Variants in GAP43 observed in about 807,000 individuals in gnomAD.
The protein encoded by GAP43 is growth associated protein 43.
In GAP43, 6 loss-of-function variants were observed where a neutral mutation model predicts 18.6. The observed-to-expected ratio is 0.32, with a 90% CI of 0.18 to 0.64. GAP43 has a LOEUF of 0.64. Ranked by LOEUF, GAP43 falls within the 30% of genes least tolerant of loss-of-function variation. GAP43 has a pLI of 0.78. For missense variants in GAP43, 292 were observed against 295.5 expected, an observed-to-expected ratio of 0.99 and a Z score of 0.09; for synonymous variants, 115 against 111.4, an observed-to-expected ratio of 1.03 and a Z score of -0.20.
At chr3:115,663,866 G>C in intron 1 of GAP43, 1 of 1,552,148 alleles carries the variant, frequency 6.4e-7, no homozygotes. Flanking sequence ...TCAGAGAGCA[G>C]TTCGACCTAG....
intron 2 of GAP43, among the ~76,000 whole-genome samples, chr3:115,720,468 T>C (rs1184390309): frequency 2.0e-5 from 3 of 152,186 alleles, no homozygotes; most frequent in African/African-American, 7.2e-5. Context: ...TGTCGTTGAT[T>C]CCCTATGTGA....
chr3:115,676,689 A>T, intron 2 of GAP43, 79 bp downstream of exon 2: 1 of 1,363,476 alleles, frequency 7.3e-7, no homozygotes, highest in Non-Finnish European at 9.7e-7. Flanking sequence ...CACCTGGGTC[A>T]TTGAGGGAGA....
chr3:115,683,240 T>C (rs1332416391), intron 2 of GAP43, among the ~76,000 whole-genome samples: 1 of 151,586 alleles, frequency 6.6e-6, no homozygotes, highest in African/African-American at 2.4e-5. Context: ...GTGGGACATA[T>C]GGCTTCTTAG....
chr3:115,647,992 G>C (rs146201177), intron 1 of GAP43, among the ~76,000 whole-genome samples: 49 of 152,216 alleles, frequency 3.2e-4, no homozygotes, highest in African/African-American at 1.1e-3. Context: ...ATGAATTGCA[G>C]ACTTTTTGAA....
intron 2 of GAP43, among the ~76,000 whole-genome samples, chr3:115,680,537 T>C (rs1708948508): frequency 1.3e-5 from 2 of 152,174 alleles, no homozygotes; most frequent in African/African-American, 4.8e-5. Flanking sequence ...ATGGGGGTAG[T>C]ATGAAATTCA....
At chr3:115,697,653 A>G (rs928916730) in intron 2 of GAP43, among the ~76,000 whole-genome samples, 1 of 152,182 alleles carries the variant, frequency 6.6e-6, no homozygotes, top group African/African-American at 2.4e-5. Context: ...GCAGAGAACC[A>G]TTTTAGCAAA....
chr3:115,713,743 C>T (rs1431309585), intron 2 of GAP43, among the ~76,000 whole-genome samples: 1 of 152,228 alleles, frequency 6.6e-6, no homozygotes, highest in African/African-American at 2.4e-5. Context: ...ACTTAATCCC[C>T]TGAATCCTTT....
At chr3:115,627,126 T>C (rs1011230720) in intron 1 of GAP43, among the ~76,000 whole-genome samples, 1 of 96,154 alleles carries the variant, frequency 1.0e-5, no homozygotes, top group African/African-American at 4.0e-5. Context: ...TTCTTTCTTT[T>C]TTCTTTCTTT....
At chr3:115,674,091 G>C (rs938588265) in intron 1 of GAP43, among the ~76,000 whole-genome samples, 1 of 152,210 alleles carries the variant, frequency 6.6e-6, no homozygotes, top group African/African-American at 2.4e-5. Flanking sequence ...TTGACAGGTG[G>C]AAAACTTGTC....
At chr3:115,676,686 G>C in intron 2 of GAP43, 76 bp downstream of exon 2, 3 of 1,375,074 alleles carry the variant, frequency 2.2e-6, no homozygotes, top group Non-Finnish European at 2.9e-6. Context: ...GGCCACCTGG[G>C]TCATTGAGGG....
At chr3:115,652,781 G>A (rs547690851) in intron 1 of GAP43, among the ~76,000 whole-genome samples, 1 of 152,056 alleles carries the variant, frequency 6.6e-6, no homozygotes, top group Non-Finnish European at 1.5e-5. Flanking sequence ...TTTTTGAAAG[G>A]GTTGACAGAT....
intron 1 of GAP43, among the ~76,000 whole-genome samples, chr3:115,638,736 C>T (rs1030418540): frequency 2.0e-5 from 3 of 151,718 alleles, no homozygotes; most frequent in Non-Finnish European, 4.4e-5. Context: ...GTCTTCCTTC[C>T]TCTCCTTTTC....
chr3:115,698,198 T>TAATATATAATATATAA (rs1559804373), intron 2 of GAP43, among the ~76,000 whole-genome samples: 17 of 5,128 alleles, frequency 3.3e-3, no homozygotes, highest in South Asian at 5.7e-3. Context: ...TAAATATATA[T>TAATATATAATATATAA]TATATATTAT....
chr3:115,675,716 G>A (rs9631453), intron 1 of GAP43, among the ~76,000 whole-genome samples: 2 of 131,330 alleles, frequency 1.5e-5, no homozygotes, highest in Admixed American at 9.3e-5. Flanking sequence ...CTGAGACCAC[G>A]CCATTGTACT....
intron 1 of GAP43, among the ~76,000 whole-genome samples, chr3:115,660,835 C>A (rs1708649591): frequency 6.6e-6 from 1 of 152,190 alleles, no homozygotes; most frequent in African/African-American, 2.4e-5. Flanking sequence ...AACGGCTAGG[C>A]TGTAGACAGC....
chr3:115,655,501 G>T (rs750461787), intron 1 of GAP43, among the ~76,000 whole-genome samples: 23 of 152,054 alleles, frequency 1.5e-4, no homozygotes, highest in Non-Finnish European at 2.6e-4. Flanking sequence ...TTACAAATAT[G>T]CATATCACTA....
chr3:115,635,456 C>T (rs1227499086), intron 1 of GAP43, among the ~76,000 whole-genome samples: 8 of 152,046 alleles, frequency 5.3e-5, no homozygotes, highest in African/African-American at 1.9e-4. Context: ...AACTTTGTAC[C>T]TTACACCTCT....
At chr3:115,627,938 C>T (rs1442108691) in intron 1 of GAP43, among the ~76,000 whole-genome samples, 2 of 152,254 alleles carry the variant, frequency 1.3e-5, no homozygotes. Context: ...CTTTAATAAA[C>T]CACATCACCT....
intron 2 of GAP43, among the ~76,000 whole-genome samples, chr3:115,710,610 A>G (rs761132353): frequency 2.0e-5 from 3 of 152,178 alleles, no homozygotes; most frequent in Non-Finnish European, 4.4e-5. Flanking sequence ...TTTTGAACCA[A>G]ATTTTCAGGA....
Sources: allele counts gnomAD v4.1 joint callset (sites outside exome capture counted in the v4.1 genomes callset), GRCh38; gene constraint gnomAD v4.1.1; transcripts MANE v1.5; gene names NCBI Gene and HGNC (gene_info 2026-07-23, HGNC 2026-07-21).